Variants in HOOK3 observed in about 807,000 individuals in gnomAD.
The protein encoded by HOOK3 is protein Hook homolog 3.
HOOK3 carries 24 observed loss-of-function variants against 116.3 expected under a neutral mutation model. The ratio of observed to expected loss-of-function variants is 0.21; its 90% CI spans 0.15 to 0.29. The LOEUF (loss-of-function observed/expected upper bound fraction) is 0.29, where lower values mean the gene tolerates loss of function less well. Among genes scored for constraint, HOOK3 ranks in the 10% least tolerant of loss-of-function variants. The pLI is 1.00. For synonymous variants in HOOK3, 275 were observed against 283.0 expected (o/e 0.97, Z 0.28); for missense variants, 632 against 830.2 (o/e 0.76, Z 2.93).
At chr8:42,979,498 C>T (rs1384294246) in intron 13 of HOOK3, among the ~76,000 whole-genome samples, 2 of 152,148 alleles carry the variant, frequency 1.3e-5, no homozygotes, top group Non-Finnish European at 1.5e-5. Flanking sequence ...GCTTGTTTGG[C>T]TTCACAGTTC....
intron 13 of HOOK3, among the ~76,000 whole-genome samples, chr8:42,975,863 G>A (rs1808814576): frequency 1.3e-5 from 2 of 152,030 alleles, no homozygotes; most frequent in South Asian, 2.1e-4. Context: ...GTGCCACCAC[G>A]CCCGGCTAAT....
chr8:43,000,436 C>T (rs757734268), intron 16 of HOOK3, among the ~76,000 whole-genome samples: 4 of 152,154 alleles, frequency 2.6e-5, no homozygotes, highest in Admixed American at 2.6e-4. Context: ...AATTAAGATA[C>T]TCAAAGGATA....
At chr8:42,998,914 T>C (rs1180991830) in intron 16 of HOOK3, among the ~76,000 whole-genome samples, 1 of 152,244 alleles carries the variant, frequency 6.6e-6, no homozygotes, top group Non-Finnish European at 1.5e-5. Context: ...CCTAATTAAG[T>C]ATCTTAGAGA....
chr8:42,993,648 G>A (rs1329195397), intron 15 of HOOK3, among the ~76,000 whole-genome samples: 2 of 152,044 alleles, frequency 1.3e-5, no homozygotes, highest in Non-Finnish European at 2.9e-5. Flanking sequence ...GGCCTTTATT[G>A]GTAGACTTTT....
chr8:42,914,530 T>C (rs1225379473), intron 2 of HOOK3, among the ~76,000 whole-genome samples: 1 of 152,260 alleles, frequency 6.6e-6, no homozygotes, highest in East Asian at 1.9e-4. Flanking sequence ...TCTTCAGTTC[T>C]CTAGCACTGA....
At chr8:42,988,915 G>T (rs1229246114) in intron 15 of HOOK3, among the ~76,000 whole-genome samples, 2 of 152,060 alleles carry the variant, frequency 1.3e-5, no homozygotes, top group African/African-American at 4.8e-5. Flanking sequence ...TGAATTTAAT[G>T]AGTATTTATA....
At chr8:42,957,348 A>T (rs1030795350) in intron 7 of HOOK3, among the ~76,000 whole-genome samples, 192 bp downstream of exon 7, 15 of 152,228 alleles carry the variant, frequency 9.9e-5, no homozygotes, top group Non-Finnish European at 2.1e-4. Context: ...TATAATTTGT[A>T]ATAAAATGCA....
In HOOK3 at chr8:43,027,747, CAT is replaced by C; in HGVS notation, c.*9250_*9251del. 4.8e-6 allele frequency: 1 copy of C among 207,058 alleles called. No individual in the cohort carries two copies. The highest frequency in any genetic ancestry group is 7.6e-5 in the East Asian group (1 of 13,110). The allele number at this position is 207,058 out of a possible 1,614,324, so 12.8% of individuals were successfully genotyped here. On this transcript the variant is annotated 3_prime_UTR_variant, in exon 22 of 22. Transcript: ENST00000307602. Reference sequence around the variant, plus strand: ...ACAAGAGTAGATTATTCAGTAGCCACATGTGACAGTTAAAATTAAGTAAAATT... The same window carrying C: ...ACAAGAGTAGATTATTCAGTAGCCACGTGACAGTTAAAATTAAGTAAAATT...
intron 4 of HOOK3, among the ~76,000 whole-genome samples, chr8:42,939,280 C>G (rs1447374537): frequency 6.6e-6 from 1 of 152,152 alleles, no homozygotes; most frequent in East Asian, 1.9e-4. Context: ...CTCCTCACTT[C>G]CCAGTAGGGG....
intron 6 of HOOK3, among the ~76,000 whole-genome samples, chr8:42,950,980 C>T (rs561762974): frequency 1.7e-4 from 26 of 152,140 alleles, no homozygotes; most frequent in African/African-American, 5.3e-4. Context: ...CCATCACGCC[C>T]GGCCGACTAT....
intron 17 of HOOK3, among the ~76,000 whole-genome samples, chr8:43,005,840 C>T (rs1455560183): frequency 2.8e-5 from 4 of 142,364 alleles, no homozygotes; most frequent in Non-Finnish European, 6.1e-5. Flanking sequence ...GGATTACAGG[C>T]CCCCCCCCAC....
intron 5 of HOOK3, among the ~76,000 whole-genome samples, chr8:42,948,421 CTCA>C (rs146496501): frequency 3.3e-5 from 5 of 152,178 alleles, no homozygotes; most frequent in East Asian, 1.9e-4. Context: ...TAATTTAGTT[CTCA>C]TCATCATTTT....
At chr8:42,979,354 G>A (rs1346133100) in intron 13 of HOOK3, among the ~76,000 whole-genome samples, 1 of 152,108 alleles carries the variant, frequency 6.6e-6, no homozygotes, top group Non-Finnish European at 1.5e-5. Flanking sequence ...AGTTGGGTTG[G>A]TGTCACTCCA....
At chr8:43,005,348 G>T (rs1221734506) in intron 17 of HOOK3, among the ~76,000 whole-genome samples, 1 of 150,384 alleles carries the variant, frequency 6.6e-6, no homozygotes, top group Non-Finnish European at 1.5e-5. Flanking sequence ...AGCCTCCCGA[G>T]TAGCTAGGAC....
chr8:43,023,401 C>CCTTCCTTG lies in HOOK3; in HGVS notation c.*4910_*4911insGCTTCCTT. The CCTTCCTTG allele has an allele frequency of 6.2e-6, 1 of 162,062 alleles. No individual in the cohort carries two copies. Among genetic ancestry groups the CCTTCCTTG allele is most frequent in the East Asian group, 1.2e-4 (1 of 8,562 alleles). 10.0% of individuals were successfully genotyped at this position (162,062 alleles called of 1,614,324 possible). ...CTCCTTCCTTCCTCCTTCCTTCCTTCCTTCCTTCCTTCCTTCCTTCCCTTC... is the reference window on the plus strand; with the variant it reads ...CTCCTTCCTTCCTCCTTCCTTCCTTCCTTCCTTGCTTCCTTCCTTCCTTCCTTCCCTTC... On this transcript the variant is annotated 3_prime_UTR_variant, in exon 22 of 22. Coordinates refer to ENST00000307602, the MANE Select transcript of HOOK3 (RefSeq NM_032410.4).
intron 5 of HOOK3, among the ~76,000 whole-genome samples, chr8:42,947,762 C>T (rs1405804961): frequency 1.7e-4 from 26 of 152,168 alleles, no homozygotes; most frequent in South Asian, 4.1e-4. Context: ...CTACCTGACT[C>T]GCTTGGGATG....
intron 1 of HOOK3, among the ~76,000 whole-genome samples, chr8:42,901,049 C>T (rs952143260): frequency 2.6e-5 from 4 of 152,216 alleles, no homozygotes; most frequent in Admixed American, 6.5e-5. Context: ...CTGCACTATG[C>T]GCTATGTTTA....
intron 4 of HOOK3, among the ~76,000 whole-genome samples, chr8:42,934,119 A>G (rs73627229): frequency 0.048 from 7,203 of 150,984 alleles, 348 homozygotes; most frequent in African/African-American, 0.12. Flanking sequence ...CCTCTTTCTG[A>G]ACTATTTAGC....
At chr8:42,978,496 C>T (rs997805813) in intron 13 of HOOK3, among the ~76,000 whole-genome samples, 4 of 151,742 alleles carry the variant, frequency 2.6e-5, no homozygotes, top group African/African-American at 7.3e-5. Flanking sequence ...GTGTAACCTC[C>T]GCCTCTCGGT....
Sources: allele counts gnomAD v4.1 joint callset (sites outside exome capture counted in the v4.1 genomes callset), GRCh38; gene constraint gnomAD v4.1.1; transcripts MANE v1.5; gene names NCBI Gene and HGNC (gene_info 2026-07-23, HGNC 2026-07-21).